Variants in SGCZ observed in about 807,000 individuals in gnomAD.
The protein encoded by SGCZ is sarcoglycan zeta.
Under a neutral mutation model 41.3 loss-of-function variants are expected in SGCZ, and 40 were observed. The observed-to-expected ratio is 0.97, with a 90% CI of 0.75 to 1.26. The LOEUF (loss-of-function observed/expected upper bound fraction) is 1.26, where lower values mean the gene tolerates loss of function less well. Ranked by LOEUF, SGCZ falls within the 50% of genes most tolerant of loss-of-function variation. SGCZ has a pLI of 0.00. For synonymous variants in SGCZ, 206 were observed against 137.5 expected (o/e 1.50, Z -3.49); for missense variants, 552 against 369.8 (o/e 1.49, Z -4.04).
intron 4 of SGCZ, among the ~76,000 whole-genome samples, chr8:14,169,098 C>CT (rs1445780103): frequency 6.6e-6 from 1 of 152,134 alleles, no homozygotes; most frequent in Admixed American, 6.6e-5. Context: ...GTTCTAAGAG[C>CT]TAAGGGAGTC....
At chr8:14,599,756 C>G (rs1310064617) in intron 1 of SGCZ, among the ~76,000 whole-genome samples, 1 of 152,174 alleles carries the variant, frequency 6.6e-6, no homozygotes, top group Non-Finnish European at 1.5e-5. Context: ...AAAGCTCTGA[C>G]ATTAGTCCTC....
intron 1 of SGCZ, among the ~76,000 whole-genome samples, chr8:14,944,545 A>C (rs1800379172): frequency 6.6e-6 from 1 of 152,200 alleles, no homozygotes; most frequent in Non-Finnish European, 1.5e-5. Flanking sequence ...AAGTAGTTAA[A>C]AATGTAAATA....
intron 5 of SGCZ, among the ~76,000 whole-genome samples, chr8:14,143,013 G>T (rs1297735763): frequency 7.5e-6 from 1 of 132,466 alleles, no homozygotes; most frequent in African/African-American, 2.9e-5. Flanking sequence ...AAAAAAAAAA[G>T]AATCAACCAA....
intron 1 of SGCZ, among the ~76,000 whole-genome samples, chr8:14,979,637 T>G (rs983568633): frequency 1.3e-5 from 2 of 152,216 alleles, no homozygotes; most frequent in African/African-American, 4.8e-5. Context: ...TAACTGCACT[T>G]GAATCAAAGG....
intron 4 of SGCZ, among the ~76,000 whole-genome samples, chr8:14,215,077 G>C (rs529750212): frequency 6.6e-6 from 1 of 152,204 alleles, no homozygotes; most frequent in Non-Finnish European, 1.5e-5. Context: ...TTATTTTCAA[G>C]TGACCATAGA....
intron 1 of SGCZ, among the ~76,000 whole-genome samples, chr8:15,170,956 G>A (rs1228461638): frequency 6.6e-6 from 1 of 152,212 alleles, no homozygotes; most frequent in East Asian, 1.9e-4. Flanking sequence ...TGATTTGGTA[G>A]CTGTGTGTAT....
At chr8:15,202,703 T>C (rs1800927904) in intron 1 of SGCZ, among the ~76,000 whole-genome samples, 1 of 152,136 alleles carries the variant, frequency 6.6e-6, no homozygotes. Context: ...AGCTTCTAAG[T>C]CAGACATTTT....
intron 1 of SGCZ, among the ~76,000 whole-genome samples, chr8:14,990,049 G>A (rs552700715): frequency 6.6e-5 from 10 of 152,222 alleles, no homozygotes; most frequent in African/African-American, 2.4e-4. Flanking sequence ...GTTATTTGCT[G>A]ATAACCAATG....
chr8:15,016,046 T>G (rs114408973), intron 1 of SGCZ, among the ~76,000 whole-genome samples: 2,530 of 152,274 alleles, frequency 0.017, 76 homozygotes, highest in African/African-American at 0.058. Context: ...CTAAAACTAA[T>G]TTAACTCCCC....
intron 1 of SGCZ, among the ~76,000 whole-genome samples, chr8:14,764,908 T>C (rs1799994757): frequency 6.6e-6 from 1 of 152,220 alleles, no homozygotes; most frequent in Admixed American, 6.5e-5. Context: ...ATCTTACTTT[T>C]AAATGGTTGA....
intron 1 of SGCZ, among the ~76,000 whole-genome samples, chr8:15,041,031 G>C (rs1367501667): frequency 3.3e-5 from 5 of 151,858 alleles, no homozygotes; most frequent in Non-Finnish European, 1.5e-5. Flanking sequence ...AAATAATAGA[G>C]TAAAATATAA....
intron 1 of SGCZ, among the ~76,000 whole-genome samples, chr8:14,741,177 C>A (rs1043976485): frequency 6.6e-6 from 1 of 152,030 alleles, no homozygotes; most frequent in Non-Finnish European, 1.5e-5. Context: ...TAATTGCTTT[C>A]TTGTTTTCCT....
intron 1 of SGCZ, among the ~76,000 whole-genome samples, chr8:14,619,089 A>G (rs1317123007): frequency 6.6e-6 from 1 of 152,214 alleles, no homozygotes; most frequent in Non-Finnish European, 1.5e-5. Context: ...ACTACCTGAC[A>G]CTGAGTAATT....
chr8:14,876,167 A>G (rs1340691250), intron 1 of SGCZ, among the ~76,000 whole-genome samples: 2 of 152,194 alleles, frequency 1.3e-5, no homozygotes, highest in African/African-American at 4.8e-5. Flanking sequence ...CACTATCTCA[A>G]GAGCACACTC....
intron 1 of SGCZ, among the ~76,000 whole-genome samples, chr8:14,567,186 C>A (rs539388270): frequency 6.6e-6 from 1 of 152,204 alleles, no homozygotes; most frequent in South Asian, 2.1e-4. Context: ...TCCACAGCGC[C>A]GGGTCCCATG....
chr8:14,785,545 G>A (rs1339961389), intron 1 of SGCZ, among the ~76,000 whole-genome samples: 4 of 152,138 alleles, frequency 2.6e-5, no homozygotes, highest in African/African-American at 7.2e-5. Flanking sequence ...TAATGCTTCA[G>A]TGAGTTTGTC....
At chr8:14,091,068 C>A (rs1004532717) in intron 7 of SGCZ, among the ~76,000 whole-genome samples, 1 of 151,896 alleles carries the variant, frequency 6.6e-6, no homozygotes, top group Non-Finnish European at 1.5e-5. Flanking sequence ...CTCCCACTTA[C>A]AAGTGAGAAC....
intron 3 of SGCZ, among the ~76,000 whole-genome samples, chr8:14,316,101 T>G (rs1585354046): frequency 6.6e-6 from 1 of 152,050 alleles, no homozygotes; most frequent in African/African-American, 2.4e-5. Flanking sequence ...ATGGTGGAAT[T>G]AAATCATACC....
At chr8:14,117,005 C>A (rs1321998201) in intron 5 of SGCZ, among the ~76,000 whole-genome samples, 2 of 151,960 alleles carry the variant, frequency 1.3e-5, no homozygotes, top group Non-Finnish European at 2.9e-5. Flanking sequence ...CAGGGAAGTC[C>A]AAGCATCTTC....
Sources: gnomAD v4.1 joint callset for allele counts (sites outside exome capture counted in the v4.1 genomes callset) on GRCh38, gnomAD v4.1.1 for gene constraint, MANE v1.5 for transcripts, NCBI Gene and HGNC (gene_info 2026-07-23, HGNC 2026-07-21) for gene names.